The following CDH18 variants were observed in gnomAD, a reference collection of about 807,000 sequenced individuals.
CDH18 encodes the protein cadherin-18.
A neutral mutation model predicts 67.9 loss-of-function variants in CDH18; 31 were observed. The observed-to-expected ratio is 0.46, with a 90% CI of 0.34 to 0.62. CDH18 has a LOEUF of 0.62. Among genes scored for constraint, CDH18 ranks in the 20% least tolerant of loss-of-function variants. CDH18 has a pLI of 0.01. For missense variants in CDH18, 890 were observed against 975.5 expected (o/e 0.91, Z 1.17); for synonymous variants, 362 against 347.2 (o/e 1.04, Z -0.48).
chr5:20,206,032 A>G (rs1239748975), intron 2 of CDH18, among the ~76,000 whole-genome samples: 4 of 151,910 alleles, frequency 2.6e-5, no homozygotes, highest in African/African-American at 9.7e-5. Flanking sequence ...ATTAAAAAGA[A>G]TACAGAAGAT....
At chr5:19,828,696 G>T (rs892869587) in intron 3 of CDH18, among the ~76,000 whole-genome samples, 2 of 152,172 alleles carry the variant, frequency 1.3e-5, no homozygotes, top group Non-Finnish European at 1.5e-5. Context: ...ATCGCTTCAT[G>T]TTAAAGAAAC....
intron 2 of CDH18, among the ~76,000 whole-genome samples, chr5:20,059,800 A>G (rs1459124941): frequency 1.3e-5 from 2 of 152,210 alleles, no homozygotes; most frequent in African/African-American, 4.8e-5. Context: ...CAGCTATAAA[A>G]AAGAATGAGT....
At position 19,791,356 on chromosome 5, in the gene CDH18, AACACACAC is replaced by A. The variant is rs58429751; in HGVS notation, c.229-44128_229-44121del. 3.5e-3 allele frequency among the ~76,000 whole-genome samples: 492 copies of A among 141,638 alleles called. 1 individual carries two copies. The highest frequency in any genetic ancestry group is 3.6e-3 in the Non-Finnish European group (237 of 65,490). 92.9% of individuals were successfully genotyped at this position (141,638 alleles called of 152,430 possible). A position where few individuals can be genotyped will look rare whatever the true frequency, so the allele number is the denominator to read the frequency against. ...TGATATTCTTGCAATTCGACTTTTA[AACACACAC>A]ACACACACACACACACACACACACA... On this transcript the variant is annotated intron_variant, in intron 3 of 12. Transcript: ENST00000382275.
chr5:20,562,134 T>C (rs1758256335), intron 1 of CDH18, among the ~76,000 whole-genome samples: 1 of 151,686 alleles, frequency 6.6e-6, no homozygotes, highest in African/African-American at 2.4e-5. Context: ...GAAAAGAAAA[T>C]AGGTGACCTA....
chr5:20,414,274 C>G (rs1346313702), intron 1 of CDH18, among the ~76,000 whole-genome samples: 2 of 146,942 alleles, frequency 1.4e-5, no homozygotes, highest in Non-Finnish European at 1.5e-5. Context: ...CTTGGAATCA[C>G]CCCAGGTGCT....
intron 2 of CDH18, among the ~76,000 whole-genome samples, chr5:20,085,240 G>C (rs1225808502): frequency 6.6e-6 from 1 of 152,056 alleles, no homozygotes; most frequent in Non-Finnish European, 1.5e-5. Flanking sequence ...TCTAGAGAAG[G>C]GGCAAAATGC....
Position 19,737,048 on chromosome 5 carries a change from T to G in CDH18, c.523+9894A>C, listed in dbSNP as rs544586844. ...GAAAACCAGTGAGAACACAGAAGTC[T>G]GGTAGAAAGCAGTAGAGACCTGTGA... On this transcript the variant is annotated intron_variant, in intron 4 of 12. Coordinates refer to ENST00000382275, the MANE Select transcript of CDH18 (RefSeq NM_004934.5). 3.3e-5 allele frequency among the ~76,000 whole-genome samples: 5 copies of G among 152,336 alleles called. No individual in the cohort carries two copies. The South Asian group carries it at 1.0e-3, about 32-fold the overall frequency.
At chr5:20,456,095 A>G (rs1483055313) in intron 1 of CDH18, among the ~76,000 whole-genome samples, 3 of 152,134 alleles carry the variant, frequency 2.0e-5, no homozygotes, top group Non-Finnish European at 4.4e-5. Context: ...TTCAACAAGG[A>G]GTACAACATT....
At chr5:19,782,761 G>A (rs1775274048) in intron 3 of CDH18, among the ~76,000 whole-genome samples, 1 of 152,126 alleles carries the variant, frequency 6.6e-6, no homozygotes, top group African/African-American at 2.4e-5. Context: ...TCTTAGGTAT[G>A]CTTGGCCAAA....
intron 2 of CDH18, among the ~76,000 whole-genome samples, chr5:20,120,290 A>C (rs2126409538): frequency 6.6e-6 from 1 of 152,252 alleles, no homozygotes; most frequent in East Asian, 1.9e-4. Context: ...TTCCTAAAGC[A>C]AGAATAGTGA....
intron 1 of CDH18, among the ~76,000 whole-genome samples, chr5:20,476,815 T>C (rs1752474492): frequency 6.6e-6 from 1 of 152,202 alleles, no homozygotes; most frequent in South Asian, 2.1e-4. Flanking sequence ...CATGTATCTA[T>C]TTGAAGAACA....
chr5:20,116,608 T>C (rs1176303363), intron 2 of CDH18, among the ~76,000 whole-genome samples: 1 of 152,138 alleles, frequency 6.6e-6, no homozygotes, highest in East Asian at 1.9e-4. Flanking sequence ...TAACAGCAAA[T>C]TAACCACTTT....
At chr5:20,282,322 C>T (rs1352661085) in intron 1 of CDH18, among the ~76,000 whole-genome samples, 3 of 152,102 alleles carry the variant, frequency 2.0e-5, no homozygotes, top group Admixed American at 6.5e-5. Context: ...CCAGTTTTTG[C>T]CCATTCAGTA....
chr5:20,535,994 C>A (rs2126569811), intron 1 of CDH18, among the ~76,000 whole-genome samples: 1 of 152,274 alleles, frequency 6.6e-6, no homozygotes, highest in South Asian at 2.1e-4. Context: ...TCCATTTCTT[C>A]AGAGACCACA....
At position 19,748,129 on chromosome 5, in the gene CDH18, AAAAAG is replaced by A. The variant is rs1215682559; in HGVS notation, c.229-898_229-894del. On this transcript the variant is annotated intron_variant, in intron 3 of 12. Transcript: ENST00000382275. ...CTCCATCTCAAAAAAAAAAAAAAAA[AAAAAG>A]AGTACTTTTTTAGGGATAGAGTATT... 2.8e-4 allele frequency among the ~76,000 whole-genome samples: 41 copies of A among 145,092 alleles called. 6 individuals carry two copies. The highest frequency in any genetic ancestry group is 6.1e-4 in the East Asian group (3 of 4,940).
At chr5:20,486,009 G>A (rs1012833633) in intron 1 of CDH18, among the ~76,000 whole-genome samples, 56 of 152,160 alleles carry the variant, frequency 3.7e-4, no homozygotes, top group African/African-American at 1.3e-3. Context: ...AGATAAAGAA[G>A]GGGCTTGTTA....
intron 1 of CDH18, among the ~76,000 whole-genome samples, chr5:20,310,822 C>T (rs1736915651): frequency 6.6e-6 from 1 of 152,132 alleles, no homozygotes; most frequent in Non-Finnish European, 1.5e-5. Flanking sequence ...CTGGATTGCT[C>T]TTCCTCATTG....
chr5:20,108,236 C>T (rs1747142573), intron 2 of CDH18, among the ~76,000 whole-genome samples: 2 of 151,042 alleles, frequency 1.3e-5, no homozygotes, highest in South Asian at 2.1e-4. Flanking sequence ...TGTGCCACCA[C>T]GCCCGGCTAA....
intron 1 of CDH18, among the ~76,000 whole-genome samples, chr5:20,376,283 CG>C (rs935644421): frequency 1.3e-5 from 2 of 150,680 alleles, no homozygotes; most frequent in African/African-American, 4.8e-5. Flanking sequence ...TTAGTAGAGA[CG>C]GGGTTTCGTT....
Sources: allele counts gnomAD v4.1 joint callset (sites outside exome capture counted in the v4.1 genomes callset), GRCh38; gene constraint gnomAD v4.1.1; transcripts MANE v1.5; gene names NCBI Gene and HGNC (gene_info 2026-07-23, HGNC 2026-07-21).